Variants in LARP1B observed in about 807,000 individuals in gnomAD.
LARP1B encodes the protein la-related protein 1B.
A neutral mutation model predicts 114.2 loss-of-function variants in LARP1B; 76 were observed. The ratio of observed to expected loss-of-function variants is 0.67; its 90% CI spans 0.55 to 0.81. The LOEUF is 0.81. Ranked by LOEUF, LARP1B falls within the 30% of genes least tolerant of loss-of-function variation. The pLI, the probability that LARP1B is intolerant of heterozygous loss-of-function variation, is 0.00. For synonymous variants in LARP1B, 345 were observed against 348.0 expected, an observed-to-expected ratio of 0.99 and a Z score of 0.10; for missense variants, 1,014 against 1,075.8, an observed-to-expected ratio of 0.94 and a Z score of 0.80.
At position 128,166,978 on chromosome 4, in the gene LARP1B, A is replaced by C. The variant is rs1413501496; in HGVS notation, c.1648+4661A>C. Among the ~76,000 whole-genome samples the C allele has an allele frequency of 4.6e-3, 662 of 142,792 alleles. 2 individuals are homozygous for C. The highest frequency in any genetic ancestry group is 9.1e-3 in the South Asian group (41 of 4,496). 93.7% of individuals were successfully genotyped at this position (142,792 alleles called of 152,430 possible). On this transcript the variant is annotated intron_variant, in intron 12 of 19. Coordinates refer to ENST00000326639, the MANE Select transcript of LARP1B (RefSeq NM_018078.4). The stretch of plus-strand genomic sequence containing the variant: ...TCTCTCTCTCTCTCTCTCTATATAT[A>C]TATATATATATATATACACACACAC...
intron 7 of LARP1B, among the ~76,000 whole-genome samples, chr4:128,092,276 G>GT (rs1776189880): frequency 1.3e-5 from 2 of 151,882 alleles, no homozygotes; most frequent in Non-Finnish European, 2.9e-5. Flanking sequence ...GAATTCTTAA[G>GT]TTTTTTTTAT....
In LARP1B at chr4:128,148,599, AT is replaced by A. The variant is rs562133250; in HGVS notation, c.1525-13586del. ...TAGTCATCTTTCTCTTTAGAAGCTG[AT>A]TTTTTTTTAAATTTTATTATTTTAC... On this transcript the variant is annotated intron_variant, in intron 11 of 19. Coordinates refer to ENST00000326639, the MANE Select transcript of LARP1B (RefSeq NM_018078.4). Among the ~76,000 whole-genome samples, 8 of 151,528 alleles carry A rather than the reference AT, an allele frequency of 5.3e-5. No individual in the cohort carries two copies. In the East Asian group the frequency reaches 5.8e-4, roughly 11 times the overall value.
At chr4:128,108,825 A>G (rs1782970847) in intron 9 of LARP1B, 1 of 983,908 alleles carries the variant, frequency 1.0e-6, no homozygotes, top group South Asian at 4.7e-5. Context: ...CAGGGTAGGT[A>G]AGATAGGTCA....
intron 8 of LARP1B, 25 bp from the exon 9 acceptor site, chr4:128,107,114 T>G (rs1449592355): frequency 6.3e-7 from 1 of 1,593,430 alleles, no homozygotes; most frequent in Admixed American, 1.7e-5. Context: ...GCTCATAATT[T>G]TAATAGCTCA....
chr4:128,173,882 A>T (rs189054817), intron 12 of LARP1B, among the ~76,000 whole-genome samples: 2 of 152,218 alleles, frequency 1.3e-5, no homozygotes, highest in Non-Finnish European at 2.9e-5. Context: ...GAACAATTCC[A>T]TCATACTAAA....
Position 128,178,452 on chromosome 4 carries a change from A to G in LARP1B, c.1706A>G (p.Gln569Arg). ...PKKDLTDELA[Q>R]KLFDVSEITS... ...GCAGATTTGACTGATGAATTAGCTC[A>G]GAAGTTATTTGATGTTTCAGAAATA... is the stretch of plus-strand genomic sequence containing the variant. The change falls in exon 14 of 20, where the codon CAG becomes CGG. Residue 569 changes from glutamine to arginine, a missense_variant. Transcript: ENST00000326639. 6.2e-7 allele frequency: 1 copy of G among 1,613,582 alleles called. No homozygotes were observed. Among genetic ancestry groups the G allele is most frequent in the African/African-American group, 1.3e-5 (1 of 75,056 alleles).
At chr4:128,149,984 C>G (rs1186648426) in intron 11 of LARP1B, among the ~76,000 whole-genome samples, 1 of 152,128 alleles carries the variant, frequency 6.6e-6, no homozygotes, top group East Asian at 1.9e-4. Flanking sequence ...AACCCTGTCT[C>G]TACTAAAAAT....
intron 10 of LARP1B, among the ~76,000 whole-genome samples, chr4:128,120,527 CAGCCTCCGCCTCCAGGGTTCA>C (rs969834919): frequency 1.3e-4 from 20 of 151,058 alleles, no homozygotes; most frequent in South Asian, 4.2e-4. Context: ...CAGCTCACTG[CAGCCTCCGCCTCCAGGGTTCA>C]AGCCTCCGCC....
chr4:128,067,272 TGA>T (rs892205024), intron 1 of LARP1B, among the ~76,000 whole-genome samples: 4 of 152,152 alleles, frequency 2.6e-5, no homozygotes, highest in African/African-American at 4.8e-5. Context: ...GGATGCTCTT[TGA>T]GAGAGAGAAT....
At chr4:128,166,970 CTATATATA>C (rs71593507) in intron 12 of LARP1B, among the ~76,000 whole-genome samples, 45 of 77,828 alleles carry the variant, frequency 5.8e-4, no homozygotes, top group South Asian at 3.2e-3. Flanking sequence ...CTCTCTCTCT[CTATATATA>C]TATATATATA....
At chr4:128,066,322 G>A (rs141556324) in intron 1 of LARP1B, among the ~76,000 whole-genome samples, 2,027 of 151,324 alleles carry the variant, frequency 0.013, 40 homozygotes, top group African/African-American at 0.045. Flanking sequence ...GACTACAGGC[G>A]CCTGCCACCA....
chr4:128,143,537 T>TC (rs151324035), intron 11 of LARP1B, among the ~76,000 whole-genome samples: 89,731 of 151,886 alleles, frequency 0.59, 27,598 homozygotes, highest in Middle Eastern at 0.8. Context: ...TGGAGCTAAT[T>TC]AAACTGGAAA....
chr4:128,076,592 A>AT (rs1321432160), intron 3 of LARP1B, among the ~76,000 whole-genome samples: 1 of 151,916 alleles, frequency 6.6e-6, no homozygotes, highest in Middle Eastern at 3.4e-3. Flanking sequence ...AAAATTTTTC[A>AT]TTTTTTCTTG....
chr4:128,206,366 T>C, intron 17 of LARP1B, 62 bp from the exon 18 acceptor site: 1 of 903,418 alleles, frequency 1.1e-6, no homozygotes, highest in Non-Finnish European at 1.7e-6. Context: ...TTTGCTTATA[T>C]TGATGTTACT....
intron 11 of LARP1B, among the ~76,000 whole-genome samples, chr4:128,154,751 T>C (rs903899089): frequency 3.3e-5 from 5 of 152,198 alleles, no homozygotes; most frequent in Non-Finnish European, 7.3e-5. Flanking sequence ...TTTTGACTTA[T>C]ACTGAATTGT....
At chr4:128,221,093 G>A (rs1759988101) in intron 7 of LARP1B, among the ~76,000 whole-genome samples, 1 of 151,948 alleles carries the variant, frequency 6.6e-6, no homozygotes, top group Non-Finnish European at 1.5e-5. Flanking sequence ...TTTGATGATA[G>A]GCATCCTCTG....
intron 15 of LARP1B, among the ~76,000 whole-genome samples, chr4:128,193,389 C>T (rs1318269915): frequency 6.6e-6 from 1 of 152,150 alleles, no homozygotes; most frequent in African/African-American, 2.4e-5. Context: ...CAAACACATA[C>T]ACACACCTAT....
chr4:128,169,041 A>G (rs10019554), intron 12 of LARP1B, among the ~76,000 whole-genome samples: 66,216 of 151,780 alleles, frequency 0.44, 15,762 homozygotes, highest in African/African-American at 0.62. Context: ...TATTGAATTT[A>G]TTCATTTCCT....
At chr4:128,190,656 G>T (rs1177169148) in intron 15 of LARP1B, among the ~76,000 whole-genome samples, 1 of 152,136 alleles carries the variant, frequency 6.6e-6, no homozygotes, top group Non-Finnish European at 1.5e-5. Context: ...ACCTGCTGCA[G>T]TGTAAGGGTG....
Sources: allele counts gnomAD v4.1 joint callset (sites outside exome capture counted in the v4.1 genomes callset), GRCh38; gene constraint gnomAD v4.1.1; transcripts MANE v1.5; gene names NCBI Gene and HGNC (gene_info 2026-07-23, HGNC 2026-07-21).